The following ITCH variants were observed in gnomAD, a reference collection of about 807,000 sequenced individuals.
The protein encoded by ITCH is E3 ubiquitin-protein ligase Itchy homolog.
Under a neutral mutation model 126.8 loss-of-function variants are expected in ITCH, and 28 were observed. That is an observed-to-expected ratio of 0.22 (90% CI 0.16 to 0.30). The LOEUF (loss-of-function observed/expected upper bound fraction) is 0.30. ITCH is among the 10% of genes least tolerant of loss of function. The probability of loss-of-function intolerance (pLI) is 1.00; values close to 1 mark genes in which losing one functional copy is unlikely to be tolerated. For missense variants in ITCH, 631 were observed against 1,032.4 expected (o/e 0.61, Z 5.33); for synonymous variants, 342 against 340.0 (o/e 1.01, Z -0.06).
intron 2 of ITCH, among the ~76,000 whole-genome samples, chr20:34,392,170 T>C (rs766225243): frequency 5.9e-5 from 9 of 152,210 alleles, no homozygotes; most frequent in Non-Finnish European, 1.3e-4. Context: ...TAACAAGCCA[T>C]TTGAATCAGA....
chr20:34,405,789 T>A (rs1448982937), intron 3 of ITCH, among the ~76,000 whole-genome samples: 2 of 151,702 alleles, frequency 1.3e-5, no homozygotes, highest in African/African-American at 4.8e-5. Flanking sequence ...ACTTTTTTTT[T>A]ATTTTTTATT....
intron 2 of ITCH, 26 bp downstream of exon 2, chr20:34,369,496 T>C (rs970543088): frequency 1.5e-5 from 6 of 398,586 alleles, no homozygotes; most frequent in East Asian, 7.1e-5. Context: ...GTGAGAGAAA[T>C]TGGGGGCAAG....
intron 2 of ITCH, among the ~76,000 whole-genome samples, chr20:34,386,987 A>G (rs1429017333): frequency 1.3e-5 from 2 of 152,126 alleles, no homozygotes; most frequent in African/African-American, 4.8e-5. Context: ...TTTCTAGTGT[A>G]GTAGTAAACA....
At chr20:34,402,121 T>C (rs2038907817) in intron 3 of ITCH, 1 of 906,560 alleles carries the variant, frequency 1.1e-6, no homozygotes, top group Non-Finnish European at 1.8e-6. Context: ...ACACCAGCTA[T>C]GCAGAAAGGG....
chr20:34,390,822 G>T (rs945161412), intron 2 of ITCH, among the ~76,000 whole-genome samples: 1 of 151,540 alleles, frequency 6.6e-6, no homozygotes, highest in Non-Finnish European at 1.5e-5. Context: ...GTGCAATGGC[G>T]CAATCTTGGC....
intron 14 of ITCH, among the ~76,000 whole-genome samples, chr20:34,467,980 G>C (rs1987244669): frequency 6.6e-6 from 1 of 150,778 alleles, no homozygotes; most frequent in Admixed American, 6.6e-5. Context: ...TTCAGGAAAA[G>C]CTTGTGACAT....
intron 7 of ITCH, among the ~76,000 whole-genome samples, chr20:34,434,990 T>C (rs1408417764): frequency 6.6e-6 from 1 of 152,208 alleles, no homozygotes; most frequent in Non-Finnish European, 1.5e-5. Context: ...TATGATTGTA[T>C]AGGACTTAGA....
In ITCH at chr20:34,496,820, A is replaced by G. The variant is rs939812731; in HGVS notation, c.2416+4223A>G. On this transcript the variant is annotated intron_variant, in intron 23 of 24. Transcript: ENST00000374864. ...CTCCATCTCAAAAAAAAAAAAAAAA[A>G]AGAAAAGAGAAAAGAAAAATCTTTG... 4.6e-5 allele frequency among the ~76,000 whole-genome samples: 7 copies of G among 151,520 alleles called. No individual in the cohort carries two copies. In the East Asian group the frequency reaches 5.8e-4, roughly 13 times the overall value.
chr20:34,464,799 C>T (rs1479802647), intron 14 of ITCH, among the ~76,000 whole-genome samples: 3 of 152,034 alleles, frequency 2.0e-5, no homozygotes, highest in African/African-American at 4.8e-5. Flanking sequence ...CAACCTCTAC[C>T]GCCTGGGTTG....
chr20:34,448,931 T>C (rs929105936), intron 11 of ITCH, among the ~76,000 whole-genome samples: 1 of 152,144 alleles, frequency 6.6e-6, no homozygotes, highest in Admixed American at 6.6e-5. Flanking sequence ...CTTCCACTCA[T>C]CTGGCAGCCC....
chr20:34,480,842 G>A, intron 19 of ITCH, 110 bp downstream of exon 19: 3 of 1,027,216 alleles, frequency 2.9e-6, no homozygotes, highest in Non-Finnish European at 4.3e-6. Flanking sequence ...GTATTTAAAT[G>A]ATCTATATAT....
At chr20:34,390,562 G>A (rs893573092) in intron 2 of ITCH, among the ~76,000 whole-genome samples, 4 of 137,396 alleles carry the variant, frequency 2.9e-5, no homozygotes, top group Non-Finnish European at 6.1e-5. Flanking sequence ...CGATCCTCCC[G>A]CCTCAGCCTC....
chr20:34,368,013 G>A (rs1161089593), intron 1 of ITCH, among the ~76,000 whole-genome samples: 1 of 152,160 alleles, frequency 6.6e-6, no homozygotes, highest in Non-Finnish European at 1.5e-5. Flanking sequence ...GCTCATGCCT[G>A]TAATCCCAGC....
chr20:34,476,447 GCAGCCGGGCGCCCC>G (rs1429161835), intron 16 of ITCH: 1 of 1,218,070 alleles, frequency 8.2e-7, no homozygotes, highest in Non-Finnish European at 1.0e-6. Context: ...GCGGCGCGCA[GCAGCCGGGCGCCCC>G]CAGCGGCAGC....
intron 2 of ITCH, among the ~76,000 whole-genome samples, chr20:34,390,525 A>G (rs1430622195): frequency 7.6e-6 from 1 of 132,166 alleles, no homozygotes; most frequent in African/African-American, 2.9e-5. Context: ...ATGTTGGTTC[A>G]CTGCAATCTC....
chr20:34,436,661 T>C (rs1355477122), intron 7 of ITCH, among the ~76,000 whole-genome samples: 1 of 152,206 alleles, frequency 6.6e-6, no homozygotes, highest in Non-Finnish European at 1.5e-5. Flanking sequence ...ACATATATAA[T>C]CTGGGGATCT....
In ITCH at chr20:34,456,300, C is replaced by G. The variant is rs1396354339; in HGVS notation, c.1211-1090C>G. Among the ~76,000 whole-genome samples the G allele has an allele frequency of 1.9e-4, 24 of 129,172 alleles. No individual in the cohort carries two copies. The Admixed American group carries it at 1.9e-3, about 10-fold the overall frequency. 84.7% of individuals were successfully genotyped at this position (129,172 alleles called of 152,430 possible). A position where few individuals can be genotyped will look rare whatever the true frequency, so the allele number is the denominator to read the frequency against. The stretch of plus-strand genomic sequence containing the variant: ...AGTGCAGTGGCATGATCTCAGCTCA[C>G]TGCAGTCTTGACCTCCCAGGTTCAG... On this transcript the variant is annotated intron_variant, in intron 12 of 24. Transcript: ENST00000374864.
At chr20:34,413,987 G>C (rs1979438195) in intron 6 of ITCH, 108 bp downstream of exon 6, 7 of 988,548 alleles carry the variant, frequency 7.1e-6, no homozygotes, top group Non-Finnish European at 7.6e-6. Flanking sequence ...TTAATAAAAT[G>C]TTTTTTTCTG....
chr20:34,498,758 GTTTTC>G lies in ITCH; in HGVS notation c.2417-5557_2417-5553del, dbSNP rs146122401. Among the ~76,000 whole-genome samples the G allele has an allele frequency of 2.6e-3, 389 of 151,842 alleles. 1 individual carries two copies. Among genetic ancestry groups the G allele is most frequent in the African/African-American group, 8.5e-3 (353 of 41,482 alleles). ...TGTTCATCAAGGATATTGGCCTATA[GTTTTC>G]TTTTCTTTTCTTTTCCTCCTTTTTT... On this transcript the variant is annotated intron_variant, in intron 23 of 24. Coordinates refer to ENST00000374864, the MANE Select transcript of ITCH (RefSeq NM_031483.7).
Sources: allele counts gnomAD v4.1 joint callset (sites outside exome capture counted in the v4.1 genomes callset), GRCh38; gene constraint gnomAD v4.1.1; transcripts MANE v1.5; gene names NCBI Gene and HGNC (gene_info 2026-07-23, HGNC 2026-07-21).